RIF1: variants seen among roughly 807,000 people sequenced by gnomAD.
RIF1 encodes replication timing regulatory factor 1, also known as telomere-associated protein RIF1.
In RIF1, 45 loss-of-function variants were observed where a neutral mutation model predicts 247.1. That is an observed-to-expected ratio of 0.18 (90% confidence interval 0.14 to 0.23). The LOEUF is 0.23. Among genes scored for constraint, RIF1 ranks in the 10% least tolerant of loss-of-function variants. The pLI, the probability that RIF1 is intolerant of heterozygous loss-of-function variation, is 1.00. For synonymous variants in RIF1, 1,087 were observed against 978.8 expected (o/e 1.11, Z -2.06); for missense variants, 2,967 against 2,862.5 (o/e 1.04, Z -0.83).
downstream of RIF1, among the ~76,000 whole-genome samples, chr2:151,483,611 A>T (rs985610976): frequency 1.3e-5 from 2 of 152,184 alleles, no homozygotes; most frequent in African/African-American, 4.8e-5. Context: ...TGGATATTAA[A>T]ATCCCTAGTG....
chr2:151,432,355 T>G (rs1243631481), intron 9 of RIF1, among the ~76,000 whole-genome samples: 1 of 152,176 alleles, frequency 6.6e-6, no homozygotes, highest in Non-Finnish European at 1.5e-5. Context: ...GACTGTGTCT[T>G]AATTTTACAT....
At position 151,464,610 on chromosome 2, in the gene RIF1, C is replaced by T. The variant is rs760004014; in HGVS notation, c.5090C>T (p.Ser1697Phe). ...DSFDNCSLGESSKIGISDISS... is the reference protein window; with the variant it reads ...DSFDNCSLGEFSKIGISDISS... Reference sequence around the variant, plus strand: ...TTTGATAATTGTAGTTTGGGAGAATCCTCAAAAATAGGGATATCAGATATT... The same window carrying T: ...TTTGATAATTGTAGTTTGGGAGAATTCTCAAAAATAGGGATATCAGATATT... Residue 1697 changes from serine (S) to phenylalanine (F), a missense_variant, in exon 30 of 36, where the codon TCC (serine) becomes TTC (phenylalanine). Physicochemically the swap from Ser to Phe is radical, Grantham distance 155 (BLOSUM62 -2). Coordinates refer to ENST00000444746, the MANE Select transcript of RIF1 (RefSeq NM_018151.5). The T allele has an allele frequency of 3.1e-6, 5 of 1,613,420 alleles. No individual in the cohort carries two copies. The East Asian group carries it at 1.1e-4, about 36-fold the overall frequency.
chr2:151,501,704 G>GCTGC (rs1180693663), intron 11 of RIF1, among the ~76,000 whole-genome samples: 1 of 152,102 alleles, frequency 6.6e-6, no homozygotes, highest in Non-Finnish European at 1.5e-5. Context: ...CAGCTGCCAG[G>GCTGC]CTGCCGGCAG....
chr2:151,464,758 C>G lies in RIF1; in HGVS notation c.5238C>G (p.Leu1746=). 6.2e-7 allele frequency: 1 copy of G among 1,613,710 alleles called. No individual in the cohort carries two copies. Among genetic ancestry groups the G allele is most frequent in the Non-Finnish European group, 8.5e-7 (1 of 1,179,896 alleles). ...AATCACAACCTCAGGAAAAGTCACTCATTGGGTTAAAGAATACAGAAAATA... is the reference window on the plus strand; with the variant it reads ...AATCACAACCTCAGGAAAAGTCACTGATTGGGTTAAAGAATACAGAAAATA... ...GEKSQPQEKS[L]IGLKNTENND... Residue 1746 remains leucine (L), a synonymous_variant, in exon 30 of 36, where the codon CTC becomes CTG. Transcript: ENST00000444746.
At chr2:151,493,516 G>GTGTTATGGCTCA (rs2058125930) in intron 9 of RIF1, 1 of 993,162 alleles carries the variant, frequency 1.0e-6, no homozygotes, top group Non-Finnish European at 1.5e-6. Context: ...CACTTAGCTG[G>GTGTTATGGCTCA]TGTTATGGCT....
At chr2:151,469,886 A>C (rs562608388) in intron 34 of RIF1, 22 bp downstream of exon 34, 1 of 1,542,742 alleles carries the variant, frequency 6.5e-7, no homozygotes, top group Non-Finnish European at 8.8e-7. Flanking sequence ...GATATTAGCT[A>C]TGATGTATAT....
chr2:151,416,518 G>A lies in RIF1; in HGVS notation c.281-43G>A, dbSNP rs147683255. 1.6e-5 allele frequency: 25 copies of A among 1,517,166 alleles called. No individual in the cohort carries two copies. The African/African-American group carries it at 3.2e-4, about 20-fold the overall frequency. 94.0% of individuals were successfully genotyped at this position (1,517,166 alleles called of 1,614,324 possible). Reference sequence around the variant, plus strand: ...AGTTTTATATTTGAGACTTTAAAGAGTATCACCTATTCTATACAAAATTAA... The same window carrying A: ...AGTTTTATATTTGAGACTTTAAAGAATATCACCTATTCTATACAAAATTAA... On this transcript the variant is annotated intron_variant, in intron 4 of 35. Transcript: ENST00000444746.
At chr2:151,457,992 C>CAGAA in intron 24 of RIF1, 29 bp downstream of exon 24, 1 of 1,472,428 alleles carries the variant, frequency 6.8e-7, no homozygotes, top group Non-Finnish European at 9.5e-7. Context: ...TTATATACAA[C>CAGAA]TAACTATTCT....
At position 151,463,488 on chromosome 2, in the gene RIF1, T is replaced by C. The variant is rs900349149; in HGVS notation, c.3968T>C (p.Val1323Ala). The change falls in exon 30 of 36, where the codon GTC becomes GCC. Residue 1323 changes from valine (V) to alanine (A), a missense_variant. By Grantham distance (64) the Val-to-Ala change is moderately conservative. This residue lies in a region of RIF1 where 2,028 missense variants were observed against 1,825.6 expected (regional missense o/e 1.11). Transcript: ENST00000444746. ...NTEESVEGIV[V>A]LENNPPGLLN... ...GAGGAATCTGTTGAAGGCATTGTAGTCTTAGAAAATAACCCACCTGGTTTG... is the reference window on the plus strand; with the variant it reads ...GAGGAATCTGTTGAAGGCATTGTAGCCTTAGAAAATAACCCACCTGGTTTG... 3.1e-6 allele frequency: 5 copies of C among 1,613,932 alleles called. No individual in the cohort carries two copies. In the African/African-American group the frequency reaches 6.7e-5, roughly 22 times the overall value.
chr2:151,439,994 AAG>A (rs369852783), intron 14 of RIF1, 31 bp from the exon 15 acceptor site: 20 of 872,702 alleles, frequency 2.3e-5, no homozygotes, highest in South Asian at 9.0e-5. Context: ...AAAAAAAAAA[AAG>A]AACTATACCC....
At chr2:151,518,450 A>G in the RIF1 span, 2 of 1,350,420 alleles carry the variant, frequency 1.5e-6, no homozygotes, top group African/African-American at 2.9e-5. Context: ...AAAAAGGCAC[A>G]TTGATGGAGA....
At chr2:151,433,307 G>A in intron 10 of RIF1, 79 bp downstream of exon 10, 1 of 1,191,812 alleles carries the variant, frequency 8.4e-7, no homozygotes, top group Non-Finnish European at 1.2e-6. Flanking sequence ...TAATCCTGTG[G>A]TGTTATTTTT....
chr2:151,412,839 C>T (rs931678820), intron 3 of RIF1, among the ~76,000 whole-genome samples: 3 of 151,724 alleles, frequency 2.0e-5, no homozygotes, highest in African/African-American at 7.3e-5. Context: ...TGATTTTTGG[C>T]GAAGTATTAA....
intron 9 of RIF1, chr2:151,490,275 AT>A: frequency 2.1e-6 from 3 of 1,449,144 alleles, no homozygotes; most frequent in South Asian, 1.4e-5. Flanking sequence ...AGGATGAAAA[AT>A]TTTTAAATTT....
chr2:151,464,298 A>G lies in RIF1; in HGVS notation c.4778A>G (p.Glu1593Gly). The G allele has an allele frequency of 4.3e-6, 7 of 1,613,282 alleles. No homozygotes were observed. Among genetic ancestry groups the G allele is most frequent in the Non-Finnish European group, 5.9e-6 (7 of 1,179,844 alleles). Residue 1593 changes from glutamate (E) to glycine (G), a missense_variant, in exon 30 of 36, where the codon GAA (glutamate) becomes GGA (glycine). Glu to Gly is a moderately conservative substitution (Grantham distance 98). This residue lies in a region of RIF1 where 2,028 missense variants were observed against 1,825.6 expected (regional missense o/e 1.11). Transcript: ENST00000444746. Reference sequence around the variant, plus strand: ...CAAGAAGAGAAAGTGGTGAAACAGGAATGTATAAAAGCTGAAAATCAGTCA... The same window carrying G: ...CAAGAAGAGAAAGTGGTGAAACAGGGATGTATAAAAGCTGAAAATCAGTCA... ...QDQEEKVVKQ[E>G]CIKAENQSHD...
intron 9 of RIF1, among the ~76,000 whole-genome samples, chr2:151,487,650 A>G (rs1574372244): frequency 6.6e-6 from 1 of 152,186 alleles, no homozygotes; most frequent in African/African-American, 2.4e-5. Flanking sequence ...TTCTTACACT[A>G]TAATGAGCAT....
At position 151,416,546 on chromosome 2, in the gene RIF1, C is replaced by T. The variant is rs769468969; in HGVS notation, c.281-15C>T. The T allele has an allele frequency of 6.3e-7, 1 of 1,578,742 alleles. No individual in the cohort carries two copies. The highest frequency in any genetic ancestry group is 2.0e-5 in the Admixed American group (1 of 49,374). On this transcript the variant is annotated splice_polypyrimidine_tract_variant and intron_variant, in intron 4 of 35. Transcript: ENST00000444746. Reference sequence around the variant, plus strand: ...TCACCTATTCTATACAAAATTAAAACTGCTTGTTTTTCAGAGGCAAATGCT... The same window carrying T: ...TCACCTATTCTATACAAAATTAAAATTGCTTGTTTTTCAGAGGCAAATGCT...
At chr2:151,412,291 CT>C (rs1306853069) in intron 3 of RIF1, among the ~76,000 whole-genome samples, 1 of 149,352 alleles carries the variant, frequency 6.7e-6, no homozygotes, top group African/African-American at 2.4e-5. Flanking sequence ...ACCTTGTTCT[CT>C]TTTTTTAATT....
chr2:151,451,246 A>T (rs745653313), intron 20 of RIF1, among the ~76,000 whole-genome samples: 19 of 152,310 alleles, frequency 1.2e-4, no homozygotes, highest in Non-Finnish European at 1.8e-4. Context: ...ACACAAATAC[A>T]TACCATTTTG....
Sources: gnomAD v4.1 joint callset for allele counts (sites outside exome capture counted in the v4.1 genomes callset) on GRCh38, gnomAD v4.1.1 for gene constraint, gnomAD v4.1.1 regional missense constraint, MANE v1.5 for transcripts, NCBI Gene and HGNC (gene_info 2026-07-23, HGNC 2026-07-21) for gene names.